The following NAV2 variants were observed in gnomAD, a reference collection of about 807,000 sequenced individuals.
NAV2 encodes the protein neuron navigator 2, also known as helicase, APC down-regulated 1.
Under a neutral mutation model 223.2 loss-of-function variants are expected in NAV2, and 54 were observed. That is an observed-to-expected ratio of 0.24 (90% CI 0.19 to 0.30). The LOEUF (loss-of-function observed/expected upper bound fraction) is 0.30. Ranked by LOEUF, NAV2 falls within the 10% of genes least tolerant of loss-of-function variation. The pLI is 1.00. For synonymous variants in NAV2, 1,279 were observed against 1,239.3 expected (o/e 1.03, Z -0.67); for missense variants, 2,806 against 3,147.5 (o/e 0.89, Z 2.60).
At chr11:19,745,484 G>C (rs1172488760) in intron 1 of NAV2, among the ~76,000 whole-genome samples, 3 of 151,886 alleles carry the variant, frequency 2.0e-5, no homozygotes, top group African/African-American at 7.3e-5. Context: ...CCACACACCT[G>C]CTTCCCTACA....
chr11:19,346,406 C>T (rs1333149108), upstream of NAV2, among the ~76,000 whole-genome samples: 1 of 152,190 alleles, frequency 6.6e-6, no homozygotes, highest in African/African-American at 2.4e-5. Context: ...CCCTGGCTCT[C>T]GCTCTCCCAC....
chr11:19,486,334 A>T (rs942828790), intron 1 of NAV2, among the ~76,000 whole-genome samples: 2 of 152,004 alleles, frequency 1.3e-5, no homozygotes, highest in African/African-American at 4.8e-5. Flanking sequence ...TCAATCCTTC[A>T]GGCCTTTGGT....
intron 11 of NAV2, among the ~76,000 whole-genome samples, chr11:20,003,348 G>T (rs11604212): frequency 0.054 from 8,288 of 152,200 alleles, 255 homozygotes; most frequent in South Asian, 0.12. Context: ...GAAAAACTAT[G>T]GCCACTACCC....
intron 1 of NAV2, among the ~76,000 whole-genome samples, chr11:19,413,666 A>G (rs1850239900): frequency 6.6e-6 from 1 of 152,236 alleles, no homozygotes; most frequent in Admixed American, 6.5e-5. Flanking sequence ...TGTTAAGGGC[A>G]GCCAGAGAGA....
At chr11:20,101,441 C>A (rs1007672892) in intron 32 of NAV2, among the ~76,000 whole-genome samples, 27 of 152,236 alleles carry the variant, frequency 1.8e-4, no homozygotes, top group African/African-American at 5.8e-4. Context: ...TTATCATGTG[C>A]GTACTGGGTG....
chr11:19,862,103 G>A (rs1652246298), intron 3 of NAV2, among the ~76,000 whole-genome samples: 1 of 152,214 alleles, frequency 6.6e-6, no homozygotes, highest in South Asian at 2.1e-4. Context: ...ATAGTCACTG[G>A]AGGAATTTGA....
At chr11:19,349,275 T>A (rs1477127803), upstream of NAV2, among the ~76,000 whole-genome samples, 1 of 152,234 alleles carries the variant, frequency 6.6e-6, no homozygotes, top group Non-Finnish European at 1.5e-5. Flanking sequence ...GATGTACCTG[T>A]GAAGTCACAT....
intron 6 of NAV2, among the ~76,000 whole-genome samples, chr11:19,907,096 C>T (rs189655463): frequency 9.6e-5 from 11 of 114,662 alleles, no homozygotes; most frequent in East Asian, 5.4e-4. Context: ...AGTTATTGTA[C>T]GGTTTCCGTG....
intron 1 of NAV2, among the ~76,000 whole-genome samples, chr11:19,538,519 G>GT (rs67680795): frequency 1.6e-3 from 223 of 140,314 alleles, no homozygotes; most frequent in East Asian, 1.4e-3. Context: ...TTTTGTTTTT[G>GT]TTTTTTTTTT....
chr11:19,407,515 AG>A (rs1390682894), intron 1 of NAV2, among the ~76,000 whole-genome samples: 5 of 152,110 alleles, frequency 3.3e-5, no homozygotes, highest in African/African-American at 1.2e-4. Flanking sequence ...AGAACATGGG[AG>A]GGTTTGTAAG....
chr11:19,415,289 A>G (rs11828124), intron 1 of NAV2, among the ~76,000 whole-genome samples: 4,593 of 152,274 alleles, frequency 0.03, 246 homozygotes, highest in African/African-American at 0.1. Context: ...CAGAAATACA[A>G]ACTACCATCA....
intron 1 of NAV2, among the ~76,000 whole-genome samples, chr11:19,382,320 C>G (rs891021043): frequency 2.0e-5 from 3 of 152,244 alleles, no homozygotes; most frequent in Non-Finnish European, 4.4e-5. Context: ...TGAATGAGAG[C>G]CTGGAATTGT....
chr11:19,605,981 C>T (rs10833134), intron 1 of NAV2, among the ~76,000 whole-genome samples: 112,227 of 152,234 alleles, frequency 0.74, 48,659 homozygotes, highest in Non-Finnish European at 0.96. Context: ...CATACCGTTT[C>T]AGACGGAGGC....
chr11:20,062,124 T>C (rs778046653), intron 19 of NAV2, among the ~76,000 whole-genome samples, 183 bp from the exon 20 acceptor site: 1 of 152,220 alleles, frequency 6.6e-6, no homozygotes, highest in Non-Finnish European at 1.5e-5. Flanking sequence ...AAAAGTGACA[T>C]CCTTAGCAAA....
chr11:19,549,820 G>A (rs2044630395), intron 1 of NAV2, among the ~76,000 whole-genome samples: 1 of 152,222 alleles, frequency 6.6e-6, no homozygotes, highest in African/African-American at 2.4e-5. Flanking sequence ...GCCCCACCAA[G>A]GGCACCATAG....
chr11:19,953,977 G>A (rs2047615706), intron 10 of NAV2, among the ~76,000 whole-genome samples: 1 of 152,150 alleles, frequency 6.6e-6, no homozygotes, highest in African/African-American at 2.4e-5. Flanking sequence ...TTAATATTTT[G>A]AGAATGGTCT....
intron 1 of NAV2, among the ~76,000 whole-genome samples, chr11:19,776,960 C>A (rs1167947824): frequency 6.6e-6 from 1 of 152,000 alleles, no homozygotes; most frequent in Non-Finnish European, 1.5e-5. Flanking sequence ...AGTTAAGTAT[C>A]CTCCCACCAA....
intron 1 of NAV2, among the ~76,000 whole-genome samples, chr11:19,417,720 G>A (rs768271338): frequency 5.9e-5 from 9 of 152,224 alleles, no homozygotes; most frequent in East Asian, 1.9e-4. Flanking sequence ...CCCAAATGCC[G>A]ACTGGATAAA....
intron 1 of NAV2, among the ~76,000 whole-genome samples, chr11:19,684,004 A>G: frequency 6.6e-6 from 1 of 152,180 alleles, no homozygotes; most frequent in East Asian, 1.9e-4. Context: ...AAATTTCCTT[A>G]CTAAGATAAT....
Sources: gnomAD v4.1 joint callset for allele counts (sites outside exome capture counted in the v4.1 genomes callset) on GRCh38, gnomAD v4.1.1 for gene constraint, MANE v1.5 for transcripts, NCBI Gene and HGNC (gene_info 2026-07-23, HGNC 2026-07-21) for gene names.